PITPNM3: variants seen among roughly 807,000 people sequenced by gnomAD.
PITPNM3 encodes the protein membrane-associated phosphatidylinositol transfer protein 3.
A neutral mutation model predicts 102.0 loss-of-function variants in PITPNM3; 26 were observed. That is an observed-to-expected ratio of 0.25 (90% confidence interval 0.19 to 0.35). The LOEUF (loss-of-function observed/expected upper bound fraction) is 0.35, where lower values mean the gene tolerates loss of function less well. Ranked by LOEUF, PITPNM3 falls within the 10% of genes least tolerant of loss-of-function variation. The probability of loss-of-function intolerance (pLI) is 1.00; values close to 1 mark genes in which losing one functional copy is unlikely to be tolerated. For missense variants in PITPNM3, 1,083 were observed against 1,346.1 expected, an observed-to-expected ratio of 0.80 and a Z score of 3.06; for synonymous variants, 578 against 558.6, an observed-to-expected ratio of 1.03 and a Z score of -0.49.
chr17:6,456,049 G>C (rs1914102785), intron 19 of PITPNM3, among the ~76,000 whole-genome samples: 1 of 151,762 alleles, frequency 6.6e-6, no homozygotes, highest in Non-Finnish European at 1.5e-5. Context: ...TTTGAGAAAG[G>C]GTCTCGCTGT....
rs920152312 is a variant in PITPNM3 at position 6,556,348 on chromosome 17, C to A, written c.22+37G>T. 2 of 1,399,738 alleles carry A rather than the reference C, an allele frequency of 1.4e-6. No homozygotes were observed. Among genetic ancestry groups the A allele is most frequent in the Non-Finnish European group, 1.9e-6 (2 of 1,072,792 alleles). The allele number at this position is 1,399,738 out of a possible 1,614,324, so 86.7% of individuals were successfully genotyped here. On this transcript the variant is annotated intron_variant, in intron 1 of 19. Coordinates refer to ENST00000262483, the MANE Select transcript of PITPNM3 (RefSeq NM_031220.4). This position sits in a 1 kb window ranked among gnomAD's most constrained non-coding sequence, Gnocchi z 5.2. Reference sequence around the variant, plus strand: ...CCTCTAGACGCGCGAGTCCCTCCCCCGGGCCCCGGCCCTGCCCTCCCCGCG... The same window carrying A: ...CCTCTAGACGCGCGAGTCCCTCCCCAGGGCCCCGGCCCTGCCCTCCCCGCG...
chr17:6,477,707 G>A (rs780165587), intron 8 of PITPNM3, among the ~76,000 whole-genome samples: 20 of 152,098 alleles, frequency 1.3e-4, no homozygotes, highest in Non-Finnish European at 2.1e-4. Context: ...CACCATGCCC[G>A]GCTAATTTTT....
At chr17:6,548,701 A>C (rs967964129) in intron 1 of PITPNM3, among the ~76,000 whole-genome samples, 2 of 152,100 alleles carry the variant, frequency 1.3e-5, no homozygotes, top group Admixed American at 1.3e-4. Context: ...GAGAGCTCAC[A>C]GTCCCACATC....
intron 3 of PITPNM3, among the ~76,000 whole-genome samples, chr17:6,515,796 C>T (rs4429343): frequency 0.23 from 34,365 of 152,004 alleles, 4,787 homozygotes; most frequent in Middle Eastern, 0.39. Flanking sequence ...TGAGCCCATG[C>T]TTCCATGAAT....
At chr17:6,521,759 G>A (rs1198815526) in intron 3 of PITPNM3, among the ~76,000 whole-genome samples, 2 of 152,116 alleles carry the variant, frequency 1.3e-5, no homozygotes, top group Non-Finnish European at 2.9e-5. Flanking sequence ...AGATAGAGGA[G>A]ATCCGTGAAT....
At chr17:6,482,374 T>C (rs1326172399) in intron 6 of PITPNM3, among the ~76,000 whole-genome samples, 1 of 152,182 alleles carries the variant, frequency 6.6e-6, no homozygotes, top group Non-Finnish European at 1.5e-5. Flanking sequence ...TCCGGAGAGC[T>C]GAACGCGTGG....
rs182980969 is a variant in PITPNM3, at chr17:6,469,712, C to T, written c.1773+548G>A. On this transcript the variant is annotated intron_variant, in intron 13 of 19. Coordinates refer to ENST00000262483, the MANE Select transcript of PITPNM3 (RefSeq NM_031220.4). The surrounding 1 kb of genome is among the most constrained non-coding windows in gnomAD (Gnocchi z 4.0). Reference sequence around the variant, plus strand: ...TCTCCTGCCGTGAAAACAGCAGCCTCAGCCTCAGGGTTTCCTTCAAAAAAC... The same window carrying T: ...TCTCCTGCCGTGAAAACAGCAGCCTTAGCCTCAGGGTTTCCTTCAAAAAAC... Among the ~76,000 whole-genome samples, 48 of 152,350 alleles carry T rather than the reference C, an allele frequency of 3.2e-4. No individual in the cohort carries two copies. Among genetic ancestry groups the T allele is most frequent in the African/African-American group, 1.0e-3 (43 of 41,588 alleles).
At chr17:6,553,575 C>T (rs1419928049) in intron 1 of PITPNM3, among the ~76,000 whole-genome samples, 1 of 152,214 alleles carries the variant, frequency 6.6e-6, no homozygotes, top group Non-Finnish European at 1.5e-5. Context: ...AGTCAGGTAC[C>T]ATGGCAGCCC....
chr17:6,501,908 C>T (rs1907201101), intron 4 of PITPNM3, among the ~76,000 whole-genome samples: 1 of 152,204 alleles, frequency 6.6e-6, no homozygotes, highest in African/African-American at 2.4e-5. Context: ...TGAGCCTCTC[C>T]ACATGCTCAG....
intron 2 of PITPNM3, among the ~76,000 whole-genome samples, chr17:6,536,882 G>T (rs1174776397): frequency 6.6e-6 from 1 of 152,148 alleles, no homozygotes; most frequent in Non-Finnish European, 1.5e-5. Context: ...CAAGAGCCAG[G>T]GACTGTCCTG....
At position 6,463,787 on chromosome 17, in the gene PITPNM3, C is replaced by T. The variant is rs376842248; in HGVS notation, c.2251G>A (p.Val751Met). 20 of 1,612,804 alleles carry T rather than the reference C, an allele frequency of 1.2e-5. 1 individual carries two copies. The highest frequency in any genetic ancestry group is 4.4e-5 in the South Asian group (4 of 90,924). Residue 751 changes from valine (V) to methionine (M), a missense_variant, in exon 17 of 20, where the codon GTG becomes ATG. This residue lies in a region of PITPNM3 where 410 missense variants were observed against 638.4 expected (regional missense o/e 0.64). Coordinates refer to ENST00000262483, the MANE Select transcript of PITPNM3 (RefSeq NM_031220.4). ...TTGGGGTCGCTTCCCATGATAGACA[C>T]GCTGGCCGCGAAGGACCCATCAATG... ...FSIDGSFAASVSIMGSDPKVR... is the reference protein window; with the variant it reads ...FSIDGSFAASMSIMGSDPKVR...
Position 6,470,500 on chromosome 17 carries a change from G to A in PITPNM3, c.1625-92C>T, listed in dbSNP as rs1172866184. 1.3e-6 allele frequency: 2 copies of A among 1,564,786 alleles called. No homozygotes were observed. The highest frequency in any genetic ancestry group is 2.7e-5 in the African/African-American group (2 of 74,130). On this transcript the variant is annotated intron_variant, in intron 12 of 19. Coordinates refer to ENST00000262483, the MANE Select transcript of PITPNM3 (RefSeq NM_031220.4). This position sits in a 1 kb window ranked among gnomAD's most constrained non-coding sequence, Gnocchi z 4.8. ...TCTCCCATTGCACAGACTGGTGGTG[G>A]ATGCCCCACGTGGGGCACGGGTTTG...
chr17:6,455,650 A>T lies in PITPNM3; in HGVS notation c.2620-7T>A. 4.9e-6 allele frequency: 5 copies of T among 1,011,986 alleles called. No homozygotes were observed. Among genetic ancestry groups the T allele is most frequent in the East Asian group, 3.7e-5 (1 of 26,998 alleles). 62.7% of individuals were successfully genotyped at this position (1,011,986 alleles called of 1,614,324 possible). ...CGTAGCCCTCGCTCAGGAACTGCGG[A>T]GGGCAGGGGAGGGCAGGGGAGGGCA... On this transcript the variant is annotated splice_region_variant and splice_polypyrimidine_tract_variant and intron_variant, in intron 19 of 19. Coordinates refer to ENST00000262483, the MANE Select transcript of PITPNM3 (RefSeq NM_031220.4).
chr17:6,480,926 T>TC (rs1219120025), intron 6 of PITPNM3: 1 of 152,374 alleles, frequency 6.6e-6, no homozygotes, highest in Non-Finnish European at 1.5e-5. Flanking sequence ...CCTCAGTTTG[T>TC]CCCCCACAGG....
rs545841539 is a variant in PITPNM3, at chr17:6,459,261, T to G, written c.2491-1539A>C. Among the ~76,000 whole-genome samples, 39 of 152,282 alleles carry G rather than the reference T, an allele frequency of 2.6e-4. No individual in the cohort carries two copies. Among genetic ancestry groups the G allele is most frequent in the Non-Finnish European group, 4.9e-4 (33 of 68,026 alleles). The stretch of plus-strand genomic sequence containing the variant: ...ACAAGGTCATCTGGTGGCCAGTCTT[T>G]GTCTACTAGGCAGTTCTCAGCATCC... On this transcript the variant is annotated intron_variant, in intron 18 of 19. Coordinates refer to ENST00000262483, the MANE Select transcript of PITPNM3 (RefSeq NM_031220.4). The surrounding 1 kb of genome is among the most constrained non-coding windows in gnomAD (Gnocchi z 5.0).
Position 6,483,893 on chromosome 17 carries a change from C to T in PITPNM3, c.352-141G>A, listed in dbSNP as rs938512134. The T allele has an allele frequency of 1.1e-5, 9 of 800,822 alleles. No individual in the cohort carries two copies. In the African/African-American group the frequency reaches 1.5e-4, roughly 14 times the overall value. The allele number at this position is 800,822 out of a possible 1,614,324, so 49.6% of individuals were successfully genotyped here. On this transcript the variant is annotated intron_variant, in intron 5 of 19. Transcript: ENST00000262483. Reference sequence around the variant, plus strand: ...GGGAGACTGAGGCCAGAGAAGCAGGCACTATGTCCAGCCTGTCTCAGCTGC... The same window carrying T: ...GGGAGACTGAGGCCAGAGAAGCAGGTACTATGTCCAGCCTGTCTCAGCTGC...
At chr17:6,465,458 C>A (rs1031501022) in intron 14 of PITPNM3, among the ~76,000 whole-genome samples, 3 of 152,352 alleles carry the variant, frequency 2.0e-5, no homozygotes, top group African/African-American at 7.2e-5. Flanking sequence ...GTTCTTTCTT[C>A]TACATCACAG....
At chr17:6,476,749 A>G (rs1567667296) in intron 9 of PITPNM3, among the ~76,000 whole-genome samples, 1 of 152,240 alleles carries the variant, frequency 6.6e-6, no homozygotes, top group Non-Finnish European at 1.5e-5. Context: ...ATCTTTTTGC[A>G]GAAGAAAAGC....
rs1252808598 is a variant in PITPNM3, at chr17:6,468,571, C to T, written c.1774-230G>A. Among the ~76,000 whole-genome samples the T allele has an allele frequency of 6.6e-6, 1 of 152,134 alleles. No homozygotes were observed. Among genetic ancestry groups the T allele is most frequent in the East Asian group, 1.9e-4 (1 of 5,172 alleles). ...GCTCCCTTCCTGAGAGAAGTCTCTG[C>T]CCCGCTGTGCCCAAACCTGGCAGCC... On this transcript the variant is annotated intron_variant, in intron 13 of 19. Coordinates refer to ENST00000262483, the MANE Select transcript of PITPNM3 (RefSeq NM_031220.4). This position sits in a 1 kb window ranked among gnomAD's most constrained non-coding sequence, Gnocchi z 5.2.
Sources: allele counts gnomAD v4.1 joint callset (sites outside exome capture counted in the v4.1 genomes callset), GRCh38; gene constraint gnomAD v4.1.1; regional missense constraint gnomAD v4.1.1; non-coding constraint Gnocchi (gnomAD v3.1); transcripts MANE v1.5; gene names NCBI Gene and HGNC (gene_info 2026-07-23, HGNC 2026-07-21).